The following TTN variants were observed in gnomAD, a reference collection of about 807,000 sequenced individuals.
TTN encodes the protein titin, also known as connectin.
Under a neutral mutation model 3,223.0 loss-of-function variants are expected in TTN, and 1,525 were observed. That is an observed-to-expected ratio of 0.47 (90% confidence interval 0.45 to 0.49). The LOEUF is 0.49. Ranked by LOEUF, TTN falls within the 20% of genes least tolerant of loss-of-function variation. TTN has a pLI of 0.00. For synonymous variants in TTN, 14,094 were observed against 15,161.0 expected, an observed-to-expected ratio of 0.93 and a Z score of 5.17; for missense variants, 40,786 against 43,424.0, an observed-to-expected ratio of 0.94 and a Z score of 5.40.
At chr2:178,680,398 C>T (rs2069093356) in intron 138 of TTN, 67 bp from the exon 139 acceptor site, 1 of 1,336,368 alleles carries the variant, frequency 7.5e-7, no homozygotes, top group Non-Finnish European at 1.1e-6. Flanking sequence ...GCTTGTTTTG[C>T]TGTACTTTAA....
chr2:178,774,663 A>AT, intron 29 of TTN, 190 bp from the exon 30 acceptor site: 1 of 704,352 alleles, frequency 1.4e-6, no homozygotes, highest in Non-Finnish European at 2.2e-6. Context: ...ATTTTTAAAT[A>AT]TTTTTGAAAG....
chr2:178,709,616 A>G lies in TTN; in HGVS notation c.28703T>C (p.Val9568Ala). The G allele has an allele frequency of 6.2e-7, 1 of 1,613,862 alleles. No individual in the cohort carries two copies. Among genetic ancestry groups the G allele is most frequent in the Non-Finnish European group, 8.5e-7 (1 of 1,179,754 alleles). Residue 9568 changes from valine to alanine, a missense_variant, in exon 99 of 363, where the codon GTG becomes GCG. Transcript: ENST00000589042. ...MNDAGLYTCK[V>A]SNDAGSALCT... ...CAGAGCAGAGCCTGCATCATTGGAC[A>G]CTTTGCATGTGTACAAACCAGCGTC...
chr2:178,712,617 T>C, intron 94 of TTN, 24 bp from the exon 95 acceptor site: 2 of 1,607,146 alleles, frequency 1.2e-6, no homozygotes, highest in Non-Finnish European at 1.7e-6. Flanking sequence ...ATTGAAAATA[T>C]AAAATCAAAC....
rs886043135 is a variant in TTN, at chr2:178,635,288, C to T, written c.41901G>A (p.Leu13967=). Residue 13967 remains leucine (L), a synonymous_variant, in exon 228 of 363, where the codon CTG becomes CTA. Transcript: ENST00000589042. ...TGGTAACGTCCTCTATTGGTTTAAGCAGTTCAACTTCACGCTCTGTATTGG... is the reference window on the plus strand; with the variant it reads ...TGGTAACGTCCTCTATTGGTTTAAGTAGTTCAACTTCACGCTCTGTATTGG... ...KLTLGEREVE[L]LKPIEDVTIY... is the part of the protein sequence containing the mutation. 2 of 1,613,208 alleles carry T rather than the reference C, an allele frequency of 1.2e-6. No homozygotes were observed. The highest frequency in any genetic ancestry group is 1.7e-6 in the Non-Finnish European group (2 of 1,179,494).
Position 178,587,606 on chromosome 2 carries a change from T to C in TTN, c.63703A>G (p.Asn21235Asp), listed in dbSNP as rs786205305. The C allele has an allele frequency of 6.2e-7, 1 of 1,612,646 alleles. No individual in the cohort carries two copies. Among genetic ancestry groups the C allele is most frequent in the South Asian group, 1.1e-5 (1 of 91,040 alleles). Residue 21235 changes from asparagine to aspartate, a missense_variant, in exon 306 of 363, where the codon AAT becomes GAT. Coordinates refer to ENST00000589042, the MANE Select transcript of TTN (RefSeq NM_001267550.2). The part of the protein sequence containing the change: ...VDTMAFLVIP[N>D]STRDDSGKYS... Reference sequence around the variant, plus strand: ...TTTCCTGAGTCATCACGGGTAGAATTGGGGATGACAAGGAAGGCCATAGTG... The same window carrying C: ...TTTCCTGAGTCATCACGGGTAGAATCGGGGATGACAAGGAAGGCCATAGTG...
Position 178,741,778 on chromosome 2 carries a change from C to T in TTN, c.11455G>A (p.Gly3819Ser). The change falls in exon 48 of 363, where the codon GGC becomes AGC. Residue 3819 changes from glycine to serine, a missense_variant. Gly to Ser is a moderately conservative substitution (Grantham distance 56). Coordinates refer to ENST00000589042, the MANE Select transcript of TTN (RefSeq NM_001267550.2). ...TKFDSEKEGT[G>S]PIFIKEVSNA... Reference sequence around the variant, plus strand: ...GACACTTCTTTGATGAAAATTGGGCCAGTGCCTTCCTTTTCGGAATCAAAT... The same window carrying T: ...GACACTTCTTTGATGAAAATTGGGCTAGTGCCTTCCTTTTCGGAATCAAAT... The T allele has an allele frequency of 1.2e-6, 2 of 1,613,484 alleles. No individual in the cohort carries two copies. The highest frequency in any genetic ancestry group is 8.5e-7 in the Non-Finnish European group (1 of 1,179,704).
At chr2:178,768,525 A>C (rs2090928390) in intron 38 of TTN, 148 bp downstream of exon 38, 2 of 1,192,996 alleles carry the variant, frequency 1.7e-6, no homozygotes, top group Admixed American at 2.3e-5. Flanking sequence ...ATGTTGTAGC[A>C]TATCGTAGTG....
intron 126 of TTN, 94 bp from the exon 127 acceptor site, chr2:178,688,318 A>C: frequency 8.7e-7 from 1 of 1,148,782 alleles, no homozygotes; most frequent in Non-Finnish European, 1.3e-6. Context: ...CTGTTCTTCT[A>C]TCTGCTTAGG....
chr2:178,554,834 A>C lies in TTN; in HGVS notation c.88594+31T>G, dbSNP rs905231293. On this transcript the variant is annotated intron_variant, in intron 331 of 362. Transcript: ENST00000589042. ...AAATTACTAAGCTTTAGGCAAATGTAATATGACAGTGGTCTGTATTCAGCA... is the reference window on the plus strand; with the variant it reads ...AAATTACTAAGCTTTAGGCAAATGTCATATGACAGTGGTCTGTATTCAGCA... The C allele has an allele frequency of 3.1e-6, 5 of 1,613,124 alleles. No individual in the cohort carries two copies. In the African/African-American group the frequency reaches 4.0e-5, roughly 13 times the overall value.
chr2:178,750,672 G>GA, intron 47 of TTN: 3 of 1,612,650 alleles, frequency 1.9e-6, no homozygotes, highest in Non-Finnish European at 2.5e-6. Flanking sequence ...GAAGCAGAGA[G>GA]TTGTAATTCT....
chr2:178,696,637 AC>A (rs1232290481), intron 113 of TTN, among the ~76,000 whole-genome samples: 2 of 152,012 alleles, frequency 1.3e-5, no homozygotes, highest in African/African-American at 4.8e-5. Flanking sequence ...TATACAGTTA[AC>A]CTTTTTAAAA....
intron 127 of TTN, among the ~76,000 whole-genome samples, 183 bp from the exon 128 acceptor site, chr2:178,685,781 G>A (rs952169310): frequency 1.3e-5 from 2 of 152,114 alleles, no homozygotes; most frequent in African/African-American, 4.8e-5. Flanking sequence ...TTAATGAAGA[G>A]TATGGGAAAT....
At position 178,590,591 on chromosome 2, in the gene TTN, A is replaced by C; in HGVS notation, c.61134T>G (p.Pro20378=). ...PIKPPGPPIN[P]KLKDKSRETA... is the part of the protein sequence containing the mutation. ...TTTCTCTGCTCTTGTCTTTCAGTTT[A>C]GGATTAATAGGTGGTCCAGGTGGTT... The change falls in exon 304 of 363, where the codon CCT becomes CCG. Residue 20378 remains proline (P), a synonymous_variant. Coordinates refer to ENST00000589042, the MANE Select transcript of TTN (RefSeq NM_001267550.2). The C allele has an allele frequency of 6.2e-7, 1 of 1,612,578 alleles. No homozygotes were observed. Among genetic ancestry groups the C allele is most frequent in the Non-Finnish European group, 8.5e-7 (1 of 1,179,236 alleles).
In TTN at chr2:178,598,638, T is replaced by C. The variant is rs1230523521; in HGVS notation, c.56979A>G (p.Pro18993=). ...ARDPIAPPGP[P]FPKVTDWTKS... ...TAGTCCAATCTGTCACTTTGGGAAA[T>C]GGAGGACCAGGAGGGGCTGCAAAGA... is the stretch of plus-strand genomic sequence containing the variant. The change falls in exon 292 of 363, where the codon CCA becomes CCG. Residue 18993 remains proline (P), a synonymous_variant. Transcript: ENST00000589042. 2 of 1,603,782 alleles carry C rather than the reference T, an allele frequency of 1.2e-6. No homozygotes were observed. The highest frequency in any genetic ancestry group is 2.2e-5 in the East Asian group (1 of 44,570).
In TTN at chr2:178,561,980, A is replaced by G. The variant is rs748178006; in HGVS notation, c.84152T>C (p.Ile28051Thr). The change falls in exon 326 of 363, where the codon ATT (isoleucine) becomes ACT (threonine). Residue 28051 changes from isoleucine to threonine, a missense_variant. Transcript: ENST00000589042. ...TGGAGGTCCTGGTCTGTCAAGGACA[A>G]TTATAGTAATAGGAACTGTTATGGA... ...AGSITVPITI[I>T]VLDRPGPPGP... The G allele has an allele frequency of 5.6e-6, 9 of 1,613,384 alleles. No individual in the cohort carries two copies. Among genetic ancestry groups the G allele is most frequent in the African/African-American group, 1.3e-5 (1 of 75,020 alleles).
Position 178,713,176 on chromosome 2 carries a change from G to A in TTN, c.26958C>T (p.Asn8986=), listed in dbSNP as rs1398273084. The A allele has an allele frequency of 1.2e-6, 2 of 1,613,606 alleles. No individual in the cohort carries two copies. The highest frequency in any genetic ancestry group is 2.7e-5 in the African/African-American group (2 of 74,896). ...LTDNTCALTV[N]MLEESDSGDY... ...CACCACTGTCTGATTCTTCCAGCAT[G>A]TTCACAGTTAAAGCACAAGTATTAT... Residue 8986 remains asparagine, a synonymous_variant, in exon 93 of 363, where the codon AAC becomes AAT. Transcript: ENST00000589042.
intron 92 of TTN, 100 bp from the exon 93 acceptor site, chr2:178,713,472 A>G: frequency 7.0e-7 from 1 of 1,426,398 alleles, no homozygotes; most frequent in Non-Finnish European, 9.2e-7. Context: ...TTGATGGACT[A>G]TCCCTAGATC....
At position 178,527,963 on chromosome 2, in the gene TTN, C is replaced by T. The variant is rs1320598863; in HGVS notation, c.107378-215G>A. On this transcript the variant is annotated intron_variant, in intron 361 of 362. Transcript: ENST00000589042. ...ATGAATCCTTATATTTCTATCATTA[C>T]ATTACATGCAGGTGCTAGGAATCAC... The T allele has an allele frequency of 5.5e-6, 3 of 547,822 alleles. No individual in the cohort carries two copies. The African/African-American group carries it at 5.6e-5, about 10-fold the overall frequency. The allele number at this position is 547,822 out of a possible 1,614,324, so 33.9% of individuals were successfully genotyped here.
Position 178,778,088 on chromosome 2 carries a change from G to A in TTN, c.4209-113C>T, listed in dbSNP as rs562770859. The stretch of plus-strand genomic sequence containing the variant: ...TTATTTTAGAATTTACTTCTTGCAC[G>A]TATTAGAAGGCACCTCAAACTCATT... On this transcript the variant is annotated intron_variant, in intron 24 of 362. Coordinates refer to ENST00000589042, the MANE Select transcript of TTN (RefSeq NM_001267550.2). 6.1e-5 allele frequency: 83 copies of A among 1,352,910 alleles called. No homozygotes were observed. The African/African-American group carries it at 1.0e-3, about 17-fold the overall frequency. 83.8% of individuals were successfully genotyped at this position (1,352,910 alleles called of 1,614,324 possible). A position where few individuals can be genotyped will look rare whatever the true frequency, so the allele number is the denominator to read the frequency against.
Sources: allele counts gnomAD v4.1 joint callset (sites outside exome capture counted in the v4.1 genomes callset), GRCh38; gene constraint gnomAD v4.1.1; transcripts MANE v1.5; gene names NCBI Gene and HGNC (gene_info 2026-07-23, HGNC 2026-07-21).